Variants in IGF2BP1 observed in about 807,000 individuals in gnomAD.
IGF2BP1 encodes the protein insulin-like growth factor 2 mRNA-binding protein 1.
A neutral mutation model predicts 74.9 loss-of-function variants in IGF2BP1; 11 were observed. That is an observed-to-expected ratio of 0.15 (90% confidence interval 0.09 to 0.24). The LOEUF is 0.24. Among genes scored for constraint, IGF2BP1 ranks in the 10% least tolerant of loss-of-function variants. IGF2BP1 has a pLI of 1.00. For synonymous variants in IGF2BP1, 287 were observed against 281.8 expected (o/e 1.02, Z -0.18); for missense variants, 440 against 757.4 (o/e 0.58, Z 4.92).
intron 6 of IGF2BP1, among the ~76,000 whole-genome samples, chr17:49,039,255 T>A (rs1242843529): frequency 2.6e-5 from 4 of 152,038 alleles, no homozygotes; most frequent in Non-Finnish European, 5.9e-5. Flanking sequence ...TAGTAAATCT[T>A]GTTATTTACT....
intron 11 of IGF2BP1, 117 bp from the exon 12 acceptor site, chr17:49,044,874 T>C: frequency 1.2e-6 from 1 of 830,414 alleles, no homozygotes; most frequent in Non-Finnish European, 2.0e-6. Flanking sequence ...CTTCCTCCCC[T>C]AAGTCTTCAG....
At chr17:48,997,306 G>A (rs2041416383), upstream of IGF2BP1, 1 of 154,316 alleles carries the variant, frequency 6.5e-6, no homozygotes, top group Non-Finnish European at 1.4e-5. The surrounding 1 kb of genome is among the most constrained non-coding windows in gnomAD (Gnocchi z 4.8). Context: ...GGGGCCCTGT[G>A]GCGTCGGGGG....
chr17:49,012,092 G>A (rs1410563577), intron 2 of IGF2BP1, among the ~76,000 whole-genome samples: 2 of 152,002 alleles, frequency 1.3e-5, no homozygotes, highest in East Asian at 1.9e-4. Context: ...TTTTAGTAGA[G>A]AAGGGGTTTG....
rs981998054 is a variant in IGF2BP1 at position 48,999,263 on chromosome 17, AC to A, written c.236+97del. 3 of 770,288 alleles carry A rather than the reference AC, an allele frequency of 3.9e-6. No homozygotes were observed. The Admixed American group carries it at 6.8e-5, about 18-fold the overall frequency. The allele number at this position is 770,288 out of a possible 1,614,324, so 47.7% of individuals were successfully genotyped here. On this transcript the variant is annotated intron_variant, in intron 2 of 14. Coordinates refer to ENST00000290341, the MANE Select transcript of IGF2BP1 (RefSeq NM_006546.4). ...GTCCATAGCGTCTCCAGTGGAAGAA[AC>A]CCATTACTGGTCTTTCCCACCCCCA...
intron 4 of IGF2BP1, among the ~76,000 whole-genome samples, chr17:49,027,431 A>G (rs1190765861): frequency 2.0e-5 from 3 of 152,212 alleles, no homozygotes; most frequent in Non-Finnish European, 4.4e-5. Context: ...TGGTAGCAAT[A>G]TATGTCTTTG....
rs370331257 is a variant in IGF2BP1 at position 49,046,349 on chromosome 17, C to A, written c.1617C>A (p.Ile539=). The change falls in exon 14 of 15, where the codon ATC becomes ATA. Residue 539 remains isoleucine, a synonymous_variant. Transcript: ENST00000290341. ...PDENDQVIVK[I]IGHFYASQMA... ...AGAACGACCAGGTCATCGTGAAAAT[C>A]ATCGGACATTTCTATGCCAGTCAGG... The A allele has an allele frequency of 1.2e-6, 2 of 1,613,808 alleles. No homozygotes were observed. The highest frequency in any genetic ancestry group is 1.3e-5 in the African/African-American group (1 of 74,904).
intron 6 of IGF2BP1, 145 bp from the exon 7 acceptor site, chr17:49,039,812 G>T: frequency 1.2e-6 from 1 of 821,004 alleles, no homozygotes; most frequent in Non-Finnish European, 1.9e-6. Flanking sequence ...TCCTTTCATT[G>T]CCCTTCCCAA....
At position 49,040,038 on chromosome 17, in the gene IGF2BP1, C is replaced by A. The variant is rs755746927; in HGVS notation, c.765C>A (p.Ser255=). Residue 255 remains serine (S), a synonymous_variant, in exon 7 of 15, where the codon TCC becomes TCA. Coordinates refer to ENST00000290341, the MANE Select transcript of IGF2BP1 (RefSeq NM_006546.4). Reference sequence around the variant, plus strand: ...ACTCCACCCCTGAGGGCTGCTCCTCCGCTTGTAAGATGATCTTGGAGATTA... The same window carrying A: ...ACTCCACCCCTGAGGGCTGCTCCTCAGCTTGTAAGATGATCTTGGAGATTA... ...SVHSTPEGCS[S]ACKMILEIMH... 1.9e-6 allele frequency: 3 copies of A among 1,613,888 alleles called. No individual in the cohort carries two copies. The highest frequency in any genetic ancestry group is 1.7e-5 in the Admixed American group (1 of 60,000).
chr17:49,037,331 C>A, intron 5 of IGF2BP1: 1 of 501,336 alleles, frequency 2.0e-6, no homozygotes, highest in Non-Finnish European at 3.7e-6. Flanking sequence ...ATGATCCAGC[C>A]TTTTATGAAG....
intron 2 of IGF2BP1, among the ~76,000 whole-genome samples, chr17:49,024,285 G>A (rs888020514): frequency 1.3e-5 from 2 of 151,778 alleles, no homozygotes; most frequent in Non-Finnish European, 2.9e-5. Flanking sequence ...AGTGGCATGC[G>A]CATGTGGTCC....
chr17:49,029,319 T>TA (rs1312426887), intron 4 of IGF2BP1, among the ~76,000 whole-genome samples: 1 of 152,126 alleles, frequency 6.6e-6, no homozygotes, highest in Non-Finnish European at 1.5e-5. Context: ...CCAGAGCAGT[T>TA]AAGAGTGGCC....
At position 48,997,929 on chromosome 17, in the gene IGF2BP1, A is replaced by G; in HGVS notation, c.175+9A>G. Reference sequence around the variant, plus strand: ...CATCGAAACTTTCTCCGGTAAGAACACAGCCACCTCCCGGAAAAGCCACAA... The same window carrying G: ...CATCGAAACTTTCTCCGGTAAGAACGCAGCCACCTCCCGGAAAAGCCACAA... On this transcript the variant is annotated intron_variant, in intron 1 of 14. Transcript: ENST00000290341. The surrounding 1 kb of genome is among the most constrained non-coding windows in gnomAD (Gnocchi z 4.8). 6.2e-7 allele frequency: 1 copy of G among 1,612,128 alleles called. No homozygotes were observed. Among genetic ancestry groups the G allele is most frequent in the Non-Finnish European group, 8.5e-7 (1 of 1,178,970 alleles).
In IGF2BP1 at chr17:49,049,786, A is replaced by G. The variant is rs1472596007; in HGVS notation, c.*342A>G. 6 of 201,806 alleles carry G rather than the reference A, an allele frequency of 3.0e-5. No homozygotes were observed. Among genetic ancestry groups the G allele is most frequent in the African/African-American group, 1.4e-4 (6 of 42,808 alleles). 12.5% of individuals were successfully genotyped at this position (201,806 alleles called of 1,614,324 possible). On this transcript the variant is annotated 3_prime_UTR_variant, in exon 15 of 15. Coordinates refer to ENST00000290341, the MANE Select transcript of IGF2BP1 (RefSeq NM_006546.4). ...AAAAATAAAATTTCCTTCAGGTTTTAAAAACATGCAGAGAGGTGTTTTAAT... is the reference window on the plus strand; with the variant it reads ...AAAAATAAAATTTCCTTCAGGTTTTGAAAACATGCAGAGAGGTGTTTTAAT...
At chr17:49,040,243 C>T (rs897290734) in intron 7 of IGF2BP1, 152 bp downstream of exon 7, 2 of 936,658 alleles carry the variant, frequency 2.1e-6, no homozygotes, top group African/African-American at 1.7e-5. Flanking sequence ...TTTCTTCTTA[C>T]AGGACTTTGT....
At position 49,006,154 on chromosome 17, in the gene IGF2BP1, T is replaced by G. The variant is rs74555836; in HGVS notation, c.236+6985T>G. ...TCTGAGTGAAATTTGATTGGATAGT[T>G]TAGTTTAGTTGATTGGATATAGTTA... On this transcript the variant is annotated intron_variant, in intron 2 of 14. Coordinates refer to ENST00000290341, the MANE Select transcript of IGF2BP1 (RefSeq NM_006546.4). 1.5e-3 allele frequency among the ~76,000 whole-genome samples: 226 copies of G among 152,278 alleles called. 1 individual carries two copies. The highest frequency in any genetic ancestry group is 5.3e-3 in the African/African-American group (221 of 41,544).
At chr17:49,036,816 G>A (rs2041995093) in intron 5 of IGF2BP1, 1 of 154,520 alleles carries the variant, frequency 6.5e-6, no homozygotes, top group Non-Finnish European at 1.4e-5. Flanking sequence ...GGGCATGGTG[G>A]CGCATGCCTG....
intron 2 of IGF2BP1, chr17:49,014,855 A>G (rs1013986194): frequency 1.0e-6 from 1 of 985,352 alleles, no homozygotes; most frequent in African/African-American, 1.7e-5. Context: ...TGCCGAAGAC[A>G]GATTGCTTTG....
intron 5 of IGF2BP1, among the ~76,000 whole-genome samples, chr17:49,037,887 G>C (rs1452443056): frequency 6.6e-6 from 1 of 152,202 alleles, no homozygotes; most frequent in African/African-American, 2.4e-5. Context: ...TATTGGACTG[G>C]AAGCCCATTT....
chr17:49,013,159 A>T (rs1336761252), intron 2 of IGF2BP1: 1 of 152,190 alleles, frequency 6.6e-6, no homozygotes, highest in East Asian at 1.9e-4. Context: ...CACTATGCAA[A>T]GGTGAGTTAT....
Sources: gnomAD v4.1 joint callset for allele counts (sites outside exome capture counted in the v4.1 genomes callset) on GRCh38, gnomAD v4.1.1 for gene constraint, Gnocchi (gnomAD v3.1) non-coding constraint, MANE v1.5 for transcripts, NCBI Gene and HGNC (gene_info 2026-07-23, HGNC 2026-07-21) for gene names.